Variants in CNTLN observed in about 807,000 individuals in gnomAD.
The protein encoded by CNTLN is centlein, centrosomal protein.
In CNTLN, 212 loss-of-function variants were observed where a neutral mutation model predicts 180.0. The ratio of observed to expected loss-of-function variants is 1.18; its 90% CI spans 1.05 to 1.32. The LOEUF is 1.32. Ranked by LOEUF, CNTLN falls within the 40% of genes most tolerant of loss-of-function variation. The pLI is 0.00. For missense variants in CNTLN, 2,095 were observed against 1,610.9 expected, an observed-to-expected ratio of 1.30 and a Z score of -5.14; for synonymous variants, 722 against 563.1, an observed-to-expected ratio of 1.28 and a Z score of -3.99.
intron 14 of CNTLN, among the ~76,000 whole-genome samples, chr9:17,393,720 CTTATTA>C (rs1032246950): frequency 6.6e-6 from 1 of 152,096 alleles, no homozygotes; most frequent in African/African-American, 2.4e-5. Flanking sequence ...AACAATAACA[CTTATTA>C]TTAATAAGAT....
intron 6 of CNTLN, among the ~76,000 whole-genome samples, chr9:17,287,919 T>C (rs1203885615): frequency 6.9e-6 from 1 of 145,700 alleles, no homozygotes; most frequent in East Asian, 2.0e-4. Flanking sequence ...TTAGTCTTGC[T>C]AGTGGTCTAT....
At chr9:17,395,122 G>A (rs964494418) in intron 15 of CNTLN, 53 bp downstream of exon 15, 2 of 1,514,570 alleles carry the variant, frequency 1.3e-6, no homozygotes, top group Non-Finnish European at 8.8e-7. Flanking sequence ...CATATGTAAA[G>A]CACTAGCAAA....
intron 6 of CNTLN, among the ~76,000 whole-genome samples, chr9:17,292,198 G>T (rs1439419538): frequency 6.6e-6 from 1 of 152,054 alleles, no homozygotes; most frequent in South Asian, 2.1e-4. Flanking sequence ...CCCTTTGTAG[G>T]TGATCTCCCC....
intron 8 of CNTLN, among the ~76,000 whole-genome samples, chr9:17,329,952 G>T (rs892724795): frequency 1.3e-5 from 2 of 151,930 alleles, no homozygotes; most frequent in African/African-American, 4.8e-5. Flanking sequence ...ATTTGCATGG[G>T]TTTTAATGGC....
At chr9:17,441,620 CA>C (rs890978174) in intron 18 of CNTLN, among the ~76,000 whole-genome samples, 15 of 146,530 alleles carry the variant, frequency 1.0e-4, no homozygotes, top group Non-Finnish European at 2.3e-4. Context: ...CAATGAAATA[CA>C]ATGAAAGATA....
rs527285453 is a variant in CNTLN, at chr9:17,188,262, C to T, written c.450-37941C>T. 1.4e-3 allele frequency among the ~76,000 whole-genome samples: 207 copies of T among 151,968 alleles called. 1 individual carries two copies. The highest frequency in any genetic ancestry group is 2.4e-3 in the Non-Finnish European group (161 of 67,886). On this transcript the variant is annotated intron_variant, in intron 2 of 25. Transcript: ENST00000380647. Reference sequence around the variant, plus strand: ...TGAGAGAAGGCATGGAAAAAAATCACGTTTAGATTTGTTATTTGTATTTCT... The same window carrying T: ...TGAGAGAAGGCATGGAAAAAAATCATGTTTAGATTTGTTATTTGTATTTCT...
intron 13 of CNTLN, among the ~76,000 whole-genome samples, chr9:17,385,518 C>CA (rs1330412918): frequency 6.6e-6 from 1 of 152,098 alleles, no homozygotes; most frequent in Non-Finnish European, 1.5e-5. Flanking sequence ...CTTGTAATAA[C>CA]AAAAGATGGT....
intron 5 of CNTLN, among the ~76,000 whole-genome samples, chr9:17,242,856 C>T (rs1440812678): frequency 6.6e-6 from 1 of 151,952 alleles, no homozygotes; most frequent in African/African-American, 2.4e-5. Flanking sequence ...GTAATACTGG[C>T]CTTGTAGAAT....
At chr9:17,201,820 A>G (rs909247379) in intron 2 of CNTLN, among the ~76,000 whole-genome samples, 1 of 151,514 alleles carries the variant, frequency 6.6e-6, no homozygotes, top group African/African-American at 2.4e-5. Context: ...AGGGTTTTTC[A>G]GGTCTCTGTC....
At chr9:17,348,690 G>C (rs10810769) in intron 12 of CNTLN, among the ~76,000 whole-genome samples, 90,203 of 151,136 alleles carry the variant, frequency 0.6, 27,144 homozygotes, top group East Asian at 0.73. Context: ...GTCACCACGC[G>C]GGGCAAATTT....
chr9:17,427,320 G>A (rs952835772), intron 18 of CNTLN, among the ~76,000 whole-genome samples: 4 of 140,644 alleles, frequency 2.8e-5, no homozygotes, highest in Admixed American at 2.2e-4. Context: ...AGCAATACTC[G>A]AAAAGAATAC....
At chr9:17,439,274 C>A (rs1300478958) in intron 18 of CNTLN, among the ~76,000 whole-genome samples, 1 of 152,036 alleles carries the variant, frequency 6.6e-6, no homozygotes, top group Non-Finnish European at 1.5e-5. Flanking sequence ...AATAAAAAGT[C>A]TTTCTCTAAG....
At chr9:17,361,811 C>T (rs1245504351) in intron 12 of CNTLN, among the ~76,000 whole-genome samples, 1 of 152,236 alleles carries the variant, frequency 6.6e-6, no homozygotes, top group Admixed American at 6.5e-5. Context: ...CAGTTCTGTG[C>T]TGCCTATTGT....
chr9:17,260,468 C>T (rs200828745), intron 5 of CNTLN, among the ~76,000 whole-genome samples: 1 of 151,158 alleles, frequency 6.6e-6, no homozygotes, highest in South Asian at 2.1e-4. Flanking sequence ...CTTCTTTTGA[C>T]AAGTGTCTGT....
intron 2 of CNTLN, among the ~76,000 whole-genome samples, chr9:17,155,603 C>T (rs1214845582): frequency 6.6e-6 from 1 of 152,166 alleles, no homozygotes; most frequent in Non-Finnish European, 1.5e-5. Flanking sequence ...ATGGCGGACG[C>T]CCTTCCCCCA....
At position 17,309,158 on chromosome 9, in the gene CNTLN, A is replaced by G. The variant is rs1195285577; in HGVS notation, c.1247A>G (p.Glu416Gly). The G allele has an allele frequency of 1.2e-6, 2 of 1,610,994 alleles. No individual in the cohort carries two copies. The highest frequency in any genetic ancestry group is 2.7e-5 in the African/African-American group (2 of 74,992). ...TNLQDQLLQK[E>G]QENAKLKEKL... ...CTTCAGGATCAGCTATTACAAAAAG[A>G]GCAAGAAAATGCTAAGTTAAAAGAA... Residue 416 changes from glutamate (E) to glycine (G), a missense_variant, in exon 8 of 26, where the codon GAG (glutamate) becomes GGG (glycine). Transcript: ENST00000380647.
At chr9:17,275,923 C>G (rs1402317408) in intron 6 of CNTLN, among the ~76,000 whole-genome samples, 1 of 151,916 alleles carries the variant, frequency 6.6e-6, no homozygotes, top group East Asian at 1.9e-4. Flanking sequence ...TAAGTGAGAG[C>G]TAAACATTGG....
intron 12 of CNTLN, among the ~76,000 whole-genome samples, chr9:17,353,587 G>A (rs1011834491): frequency 1.6e-4 from 22 of 137,804 alleles, no homozygotes; most frequent in Non-Finnish European, 3.4e-4. Flanking sequence ...TATTGTAATA[G>A]TTTTGTTTTC....
intron 15 of CNTLN, among the ~76,000 whole-genome samples, chr9:17,396,409 A>T (rs558073152): frequency 6.6e-6 from 1 of 152,240 alleles, no homozygotes; most frequent in Non-Finnish European, 1.5e-5. Context: ...ACATCTAGAC[A>T]GTAGGGAAGT....
Sources: gnomAD v4.1 joint callset for allele counts (sites outside exome capture counted in the v4.1 genomes callset) on GRCh38, gnomAD v4.1.1 for gene constraint, MANE v1.5 for transcripts, NCBI Gene and HGNC (gene_info 2026-07-23, HGNC 2026-07-21) for gene names.